Variants in UBR7 observed in about 807,000 individuals in gnomAD.
The protein encoded by UBR7 is putative E3 ubiquitin-protein ligase UBR7.
A neutral mutation model predicts 57.0 loss-of-function variants in UBR7; 22 were observed. That is an observed-to-expected ratio of 0.39 (90% CI 0.28 to 0.55). The LOEUF (loss-of-function observed/expected upper bound fraction) is 0.55, where lower values mean the gene tolerates loss of function less well. Ranked by LOEUF, UBR7 falls within the 20% of genes least tolerant of loss-of-function variation. The pLI, the probability that UBR7 is intolerant of heterozygous loss-of-function variation, is 0.69. For synonymous variants in UBR7, 167 were observed against 179.8 expected (o/e 0.93, Z 0.57); for missense variants, 395 against 513.2 (o/e 0.77, Z 2.23).
intron 2 of UBR7, 123 bp downstream of exon 2, chr14:93,210,080 A>T (rs11851573): frequency 0.19 from 109,471 of 575,268 alleles, 16,499 homozygotes; most frequent in African/African-American, 0.45. Context: ...TTAATTAATT[A>T]ATTTATTTAT....
At chr14:93,226,649 C>T (rs559057101) in intron 10 of UBR7, among the ~76,000 whole-genome samples, 87 of 152,090 alleles carry the variant, frequency 5.7e-4, no homozygotes, top group Non-Finnish European at 9.4e-4. Flanking sequence ...AAAAATTAGC[C>T]GGGCTTGGTG....
rs762032883 is a variant in UBR7 at position 93,228,877 on chromosome 14, C to T, written c.*1842C>T. On this transcript the variant is annotated 3_prime_UTR_variant, in exon 11 of 11. Transcript: ENST00000013070. ...GTCTTGGAGGTGATGTGTTACATTACGTGCAGCACAATAGTACCGATCAGT... is the reference window on the plus strand; with the variant it reads ...GTCTTGGAGGTGATGTGTTACATTATGTGCAGCACAATAGTACCGATCAGT... The T allele has an allele frequency of 3.5e-5, 16 of 453,988 alleles. No homozygotes were observed. The highest frequency in any genetic ancestry group is 2.0e-4 in the South Asian group (13 of 64,480). 28.1% of individuals were successfully genotyped at this position (453,988 alleles called of 1,614,324 possible).
chr14:93,212,127 G>C lies in UBR7; in HGVS notation c.441G>C (p.Glu147Asp), dbSNP rs1242597361. 1 of 1,608,864 alleles carries C rather than the reference G, an allele frequency of 6.2e-7. No individual in the cohort carries two copies. The highest frequency in any genetic ancestry group is 1.7e-5 in the Admixed American group (1 of 59,836). The change falls in exon 4 of 11, where the codon GAG becomes GAC. Residue 147 changes from glutamate (E) to aspartate (D), a missense_variant and splice_region_variant. Transcript: ENST00000013070. The part of the protein sequence containing the change: ...CKRPYPDPED[E>D]IPDEMIQCVV... ...GACCTTATCCTGATCCTGAAGACGA[G>C]GTAAGAGAATTGGAAGTTAAACCTG...
At position 93,214,379 on chromosome 14, in the gene UBR7, A is replaced by G. The variant is rs192079503; in HGVS notation, c.442-550A>G. On this transcript the variant is annotated intron_variant, in intron 4 of 10. Transcript: ENST00000013070. ...ACAGTTATGAGAGCCTGGGAGTAAA[A>G]GAAAATCATCCCCAAAATAGTCTAT... Among the ~76,000 whole-genome samples, 64 of 152,378 alleles carry G rather than the reference A, an allele frequency of 4.2e-4. 1 individual carries two copies. In the East Asian group the frequency reaches 0.012, roughly 28 times the overall value.
intron 4 of UBR7, among the ~76,000 whole-genome samples, chr14:93,214,412 G>A (rs1473311187): frequency 6.6e-6 from 1 of 152,142 alleles, no homozygotes; most frequent in African/African-American, 2.4e-5. Context: ...TATGTCCTTT[G>A]GTATATTATT....
intron 10 of UBR7, chr14:93,223,498 C>T (rs1894756283): frequency 5.3e-6 from 3 of 570,794 alleles, no homozygotes; most frequent in Admixed American, 3.1e-5. Flanking sequence ...GATGTCATCT[C>T]TGTCTACCTA....
intron 10 of UBR7, among the ~76,000 whole-genome samples, chr14:93,224,577 C>T (rs1894802648): frequency 6.6e-6 from 1 of 152,014 alleles, no homozygotes; most frequent in South Asian, 2.1e-4. Flanking sequence ...CGGGGTTTCA[C>T]CGTGTTAGCC....
intron 4 of UBR7, among the ~76,000 whole-genome samples, chr14:93,214,316 G>C (rs1017097): frequency 6.6e-6 from 1 of 151,978 alleles, no homozygotes; most frequent in Non-Finnish European, 1.5e-5. Flanking sequence ...AGAAGCCTAC[G>C]ATAGGAAAAG....
Position 93,222,240 on chromosome 14 carries a change from A to G in UBR7, c.1124-73A>G, listed in dbSNP as rs1462537040. 1.8e-5 allele frequency: 19 copies of G among 1,080,414 alleles called. No homozygotes were observed. The Admixed American group carries it at 2.4e-4, about 13-fold the overall frequency. The allele number at this position is 1,080,414 out of a possible 1,614,324, so 66.9% of individuals were successfully genotyped here. ...ACATTATTAACAGACTCAGGTGTCA[A>G]TGGCAAAGAATATTTTGTTTTTGAA... is the stretch of plus-strand genomic sequence containing the variant. On this transcript the variant is annotated intron_variant, in intron 9 of 10. Transcript: ENST00000013070.
chr14:93,214,853 T>C, intron 4 of UBR7, 76 bp from the exon 5 acceptor site: 1 of 1,292,824 alleles, frequency 7.7e-7, no homozygotes, highest in South Asian at 1.2e-5. Context: ...TTTAGTATCT[T>C]ATTTTACTGT....
rs755912011 is a variant in UBR7 at position 93,228,009 on chromosome 14, G to A, written c.*974G>A. 16 of 698,460 alleles carry A rather than the reference G, an allele frequency of 2.3e-5. No individual in the cohort carries two copies. The highest frequency in any genetic ancestry group is 2.3e-4 in the South Asian group (15 of 66,606). 43.3% of individuals were successfully genotyped at this position (698,460 alleles called of 1,614,324 possible). On this transcript the variant is annotated 3_prime_UTR_variant, in exon 11 of 11. Transcript: ENST00000013070. ...CAATAAATTATTATTTTTCCCCCTT[G>A]AATCTGCTAAAGAAAACAGATCCTG... is the stretch of plus-strand genomic sequence containing the variant.
chr14:93,220,333 C>G lies in UBR7; in HGVS notation c.1045C>G (p.Gln349Glu), dbSNP rs147191980. ...LAYENKGKIAQATDRSDPLMD... is the reference protein window; with the variant it reads ...LAYENKGKIAEATDRSDPLMD... The stretch of plus-strand genomic sequence containing the variant: ...TTATGAAAACAAAGGGAAGATTGCC[C>G]AGGCCACTGACAGGAGCGATCCCCT... The change falls in exon 9 of 11, where the codon CAG becomes GAG. Residue 349 changes from glutamine (Q) to glutamate (E), a missense_variant. Gln to Glu is a conservative substitution (Grantham distance 29). Coordinates refer to ENST00000013070, the MANE Select transcript of UBR7 (RefSeq NM_175748.4). 5.0e-6 allele frequency: 8 copies of G among 1,613,384 alleles called. No individual in the cohort carries two copies. The highest frequency in any genetic ancestry group is 5.9e-6 in the Non-Finnish European group (7 of 1,179,932).
intron 10 of UBR7, among the ~76,000 whole-genome samples, chr14:93,224,463 G>C (rs537390139): frequency 7.2e-6 from 1 of 138,438 alleles, no homozygotes; most frequent in African/African-American, 2.8e-5. Flanking sequence ...ACTGCAACCT[G>C]TGCCTCCCAG....
chr14:93,212,215 C>A, intron 4 of UBR7, 88 bp downstream of exon 4: 2 of 978,246 alleles, frequency 2.0e-6, no homozygotes, highest in Non-Finnish European at 1.6e-6. Context: ...TCTGGCTCTT[C>A]AAGAGGCAGT....
intron 8 of UBR7, among the ~76,000 whole-genome samples, chr14:93,219,619 TTTTAA>T (rs1488250050): frequency 6.6e-6 from 1 of 152,264 alleles, no homozygotes; most frequent in Non-Finnish European, 1.5e-5. Flanking sequence ...AATTTACTTA[TTTTAA>T]TTTTAGTTTA....
At chr14:93,223,394 CAAAAAAAAAA>C (rs34453404) in intron 10 of UBR7, among the ~76,000 whole-genome samples, 9 of 94,354 alleles carry the variant, frequency 9.5e-5, no homozygotes, top group African/African-American at 3.8e-4. Flanking sequence ...GACTCCATCT[CAAAAAAAAAA>C]AAAAAAAAAA....
intron 7 of UBR7, among the ~76,000 whole-genome samples, 180 bp from the exon 8 acceptor site, chr14:93,219,032 G>A (rs1368797753): frequency 6.6e-6 from 1 of 151,294 alleles, no homozygotes; most frequent in Non-Finnish European, 1.5e-5. Flanking sequence ...TCTAGCCTGG[G>A]CAACAGAATG....
intron 10 of UBR7, chr14:93,223,626 G>T: frequency 7.3e-7 from 1 of 1,364,156 alleles, no homozygotes; most frequent in Non-Finnish European, 1.0e-6. Context: ...CCTCTTGGTG[G>T]TGAAGCGTGG....
intron 10 of UBR7, among the ~76,000 whole-genome samples, chr14:93,225,402 G>C (rs1894828177): frequency 6.6e-6 from 1 of 150,904 alleles, no homozygotes; most frequent in African/African-American, 2.4e-5. Context: ...TAAGGTGGGA[G>C]GATTGCTTGA....
Sources: gnomAD v4.1 joint callset for allele counts (sites outside exome capture counted in the v4.1 genomes callset) on GRCh38, gnomAD v4.1.1 for gene constraint, MANE v1.5 for transcripts, NCBI Gene and HGNC (gene_info 2026-07-23, HGNC 2026-07-21) for gene names.